The following GDF1 variants were observed in gnomAD, a reference collection of about 807,000 sequenced individuals.
The protein encoded by GDF1 is embryonic growth/differentiation factor 1.
Under a neutral mutation model 7.4 loss-of-function variants are expected in GDF1, and 8 were observed. The ratio of observed to expected loss-of-function variants is 1.09; its 90% confidence interval spans 0.64 to 1.96. The LOEUF is 1.96. Ranked by LOEUF, GDF1 falls within the 30% of genes most tolerant of loss-of-function variation. The probability of loss-of-function intolerance (pLI) is 0.00; values close to 1 mark genes in which losing one functional copy is unlikely to be tolerated. For synonymous variants in GDF1, 311 were observed against 276.7 expected (o/e 1.12, Z -1.23); for missense variants, 574 against 551.5 (o/e 1.04, Z -0.41).
intron 3 of GDF1, 146 bp from the exon 4 acceptor site, chr19:18,880,581 G>T: frequency 1.4e-6 from 1 of 730,506 alleles, no homozygotes; most frequent in Non-Finnish European, 2.1e-6. Context: ...CGCCTGCCCT[G>T]CCCATCTCCA....
intron 2 of GDF1, among the ~76,000 whole-genome samples, chr19:18,891,486 C>T (rs1000606848): frequency 7.9e-5 from 12 of 152,174 alleles, no homozygotes; most frequent in African/African-American, 1.4e-4. Flanking sequence ...TCACACAGAG[C>T]GCGCTGCAGT....
chr19:18,870,217 C>T lies in GDF1; in HGVS notation c.91G>A (p.Val31Met). Residue 31 changes from valine (V) to methionine (M), a missense_variant, in exon 7 of 8, where the codon GTG becomes ATG. By Grantham distance (21) the Val-to-Met change is conservative. Transcript: ENST00000247005. The surrounding 1 kb of genome is among the most constrained non-coding windows in gnomAD (Gnocchi z 5.1). ...LPSLPLTRAPVPPGPAAALLQ... is the reference protein window; with the variant it reads ...LPSLPLTRAPMPPGPAAALLQ... The stretch of plus-strand genomic sequence containing the variant: ...AGGGCGGCGGCTGGGCCTGGGGGCA[C>T]GGGGGCGCGGGTCAGGGGCAGCGAG... 3 of 1,554,084 alleles carry T rather than the reference C, an allele frequency of 1.9e-6. No individual in the cohort carries two copies. Among genetic ancestry groups the T allele is most frequent in the Non-Finnish European group, 2.6e-6 (3 of 1,155,440 alleles).
intron 2 of GDF1, among the ~76,000 whole-genome samples, chr19:18,892,736 G>A (rs976174751): frequency 6.6e-6 from 1 of 151,982 alleles, no homozygotes; most frequent in African/African-American, 2.4e-5. Flanking sequence ...TGCTGTTACC[G>A]ACACCTGGAA....
rs1256785519 is a variant in GDF1, at chr19:18,878,198, G to A, written c.-313+732C>T. On this transcript the variant is annotated intron_variant, in intron 6 of 7. Coordinates refer to ENST00000247005, the MANE Select transcript of GDF1 (RefSeq NM_001492.6). This position sits in a 1 kb window ranked among gnomAD's most constrained non-coding sequence, Gnocchi z 4.6. ...AGGGCCTTCCACAACCTCCTGCCCC[G>A]GCTCCTGCTCAAACACTCCTCACGT... 2.1e-5 allele frequency: 21 copies of A among 985,494 alleles called. No individual in the cohort carries two copies. Among genetic ancestry groups the A allele is most frequent in the East Asian group, 2.3e-4 (2 of 8,806 alleles). 61.0% of individuals were successfully genotyped at this position (985,494 alleles called of 1,614,324 possible). A position where few individuals can be genotyped will look rare whatever the true frequency, so the allele number is the denominator to read the frequency against.
rs573722027 is a variant in GDF1 at position 18,895,465 on chromosome 19, G to A, written c.-1074+359C>T. ...GTGGCCGGAGCCATCCACCGCGCGG[G>A]GCCCCCTGGTCCCAAACTGACCGGA... On this transcript the variant is annotated intron_variant, in intron 1 of 7. Coordinates refer to ENST00000247005, the MANE Select transcript of GDF1 (RefSeq NM_001492.6). This position sits in a 1 kb window ranked among gnomAD's most constrained non-coding sequence, Gnocchi z 6.4. Among the ~76,000 whole-genome samples the A allele has an allele frequency of 2.2e-3, 327 of 151,408 alleles. No homozygotes were observed. Among genetic ancestry groups the A allele is most frequent in the African/African-American group, 7.6e-3 (314 of 41,182 alleles).
intron 6 of GDF1, among the ~76,000 whole-genome samples, chr19:18,875,247 AAAG>A (rs1192387177): frequency 1.2e-3 from 174 of 148,984 alleles, no homozygotes; most frequent in African/African-American, 4.3e-3. Flanking sequence ...AAAAAAAAAA[AAAG>A]AAAGAAAGAA....
At position 18,870,559 on chromosome 19, in the gene GDF1, G is replaced by A. The variant is rs1252202432; in HGVS notation, c.-252C>T. 5.3e-6 allele frequency: 3 copies of A among 564,826 alleles called. No individual in the cohort carries two copies. Among genetic ancestry groups the A allele is most frequent in the Middle Eastern group, 3.9e-4 (1 of 2,582 alleles). The allele number at this position is 564,826 out of a possible 1,614,324, so 35.0% of individuals were successfully genotyped here. The stretch of plus-strand genomic sequence containing the variant: ...TATTCGGGGTGGGGCCGGGTCCACG[G>A]GGGCGGGGCCGAGGGGTTCAGAAGC... On this transcript the variant is annotated 5_prime_UTR_variant, in exon 7 of 8. Coordinates refer to ENST00000247005, the MANE Select transcript of GDF1 (RefSeq NM_001492.6). This position sits in a 1 kb window ranked among gnomAD's most constrained non-coding sequence, Gnocchi z 5.1.
intron 2 of GDF1, among the ~76,000 whole-genome samples, chr19:18,886,583 C>A (rs1422329624): frequency 6.6e-6 from 1 of 151,946 alleles, no homozygotes; most frequent in Non-Finnish European, 1.5e-5. Flanking sequence ...AAACAAACAA[C>A]AAAAAAAGGC....
At chr19:18,892,483 G>A (rs1006391508) in intron 2 of GDF1, among the ~76,000 whole-genome samples, 8 of 151,886 alleles carry the variant, frequency 5.3e-5, no homozygotes, top group Non-Finnish European at 8.8e-5. Flanking sequence ...GCGTGGTGGC[G>A]GGCGCCTGTG....
rs955532939 is a variant in GDF1, at chr19:18,878,071, C to T, written c.-313+859G>A. ...ATCTCGCACCTCCCGTTCCAAAAAA[C>T]GTCACGGAGCTCTGAGCCACTGCTT... On this transcript the variant is annotated intron_variant, in intron 6 of 7. Coordinates refer to ENST00000247005, the MANE Select transcript of GDF1 (RefSeq NM_001492.6). The surrounding 1 kb of genome is among the most constrained non-coding windows in gnomAD (Gnocchi z 4.6). The T allele has an allele frequency of 4.5e-5, 44 of 985,390 alleles. No individual in the cohort carries two copies. The highest frequency in any genetic ancestry group is 7.0e-5 in the African/African-American group (4 of 57,226). The allele number at this position is 985,390 out of a possible 1,614,324, so 61.0% of individuals were successfully genotyped here.
intron 1 of GDF1, 109 bp from the exon 2 acceptor site, chr19:18,893,684 G>C: frequency 4.3e-6 from 5 of 1,159,754 alleles, no homozygotes. Flanking sequence ...GCAGCACTGG[G>C]AAGGCCTGTC....
intron 6 of GDF1, among the ~76,000 whole-genome samples, chr19:18,875,697 A>T (rs957252439): frequency 1.3e-5 from 2 of 152,202 alleles, no homozygotes; most frequent in Non-Finnish European, 2.9e-5. Flanking sequence ...TCATGAGACC[A>T]CAAGCTCAGA....
chr19:18,883,532 CA>C (rs1368507654), intron 3 of GDF1, among the ~76,000 whole-genome samples: 19 of 143,508 alleles, frequency 1.3e-4, no homozygotes, highest in Non-Finnish European at 1.2e-4. Flanking sequence ...GACCTTGTCT[CA>C]AAAAAAAAAG....
Position 18,869,006 on chromosome 19 carries a change from A to C in GDF1, c.710T>G (p.Leu237Arg). 1.8e-6 allele frequency: 2 copies of C among 1,097,374 alleles called. No homozygotes were observed. Among genetic ancestry groups the C allele is most frequent in the South Asian group, 8.3e-5 (2 of 24,080 alleles). The allele number at this position is 1,097,374 out of a possible 1,614,324, so 68.0% of individuals were successfully genotyped here. The change falls in exon 8 of 8, where the codon CTG (leucine) becomes CGG (arginine). Residue 237 changes from leucine to arginine, a missense_variant. Leu to Arg is a moderately radical substitution (Grantham distance 102). Coordinates refer to ENST00000247005, the MANE Select transcript of GDF1 (RefSeq NM_001492.6). ...GCACAGGCGCGGGTCGAGGGTCACC[A>C]GCAGCAGCGAGGCCTCGGCCAGGCG... is the stretch of plus-strand genomic sequence containing the variant. ...CARLAEASLL[L>R]VTLDPRLCHP... is the part of the protein sequence containing the mutation.
In GDF1 at chr19:18,893,519, G is replaced by A. The variant is rs779359438; in HGVS notation, c.-1017C>T. The stretch of plus-strand genomic sequence containing the variant: ...CCAGGTAGAAGAGAAACTTCCAAGC[G>A]CTCTCGGGCATCTTGGCGGCATCTC... On this transcript the variant is annotated 5_prime_UTR_variant, in exon 2 of 8. Transcript: ENST00000247005. 35 of 1,610,568 alleles carry A rather than the reference G, an allele frequency of 2.2e-5. No homozygotes were observed. Among genetic ancestry groups the A allele is most frequent in the East Asian group, 1.3e-4 (6 of 44,810 alleles).
intron 2 of GDF1, among the ~76,000 whole-genome samples, chr19:18,885,611 C>T (rs180700840): frequency 2.7e-5 from 4 of 150,134 alleles, no homozygotes; most frequent in East Asian, 2.0e-4. Flanking sequence ...CCTCCATATC[C>T]GGGGTTCAAG....
chr19:18,893,336 T>A lies in GDF1; in HGVS notation c.-914+80A>T, dbSNP rs1218869452. The A allele has an allele frequency of 2.7e-6, 4 of 1,461,178 alleles. No homozygotes were observed. The African/African-American group carries it at 5.6e-5, about 21-fold the overall frequency. 90.5% of individuals were successfully genotyped at this position (1,461,178 alleles called of 1,614,324 possible). On this transcript the variant is annotated intron_variant, in intron 2 of 7. Transcript: ENST00000247005. ...CTCCAGTGATCCTCCTGCTTCTGCC[T>A]CATGAGTAGCTGGGACCACAAGCCT...
Position 18,884,208 on chromosome 19 carries a change from T to C in GDF1, c.-854A>G, listed in dbSNP as rs2056290804. On this transcript the variant is annotated 5_prime_UTR_variant, in exon 3 of 8. Transcript: ENST00000247005. ...GCGTAGATGGAGTGGCCATAGAAGC[T>C]TCCCTGGAGCAGGTAGGCGGCTGCA... The C allele has an allele frequency of 6.2e-7, 1 of 1,613,320 alleles. No individual in the cohort carries two copies. Among genetic ancestry groups the C allele is most frequent in the South Asian group, 1.1e-5 (1 of 91,040 alleles).
chr19:18,893,310 G>A, intron 2 of GDF1, 106 bp downstream of exon 2: 1 of 1,310,366 alleles, frequency 7.6e-7, no homozygotes. Flanking sequence ...CAACTCCTGG[G>A]CTCCAGTGAT....
Sources: allele counts gnomAD v4.1 joint callset (sites outside exome capture counted in the v4.1 genomes callset), GRCh38; gene constraint gnomAD v4.1.1; non-coding constraint Gnocchi (gnomAD v3.1); transcripts MANE v1.5; gene names NCBI Gene and HGNC (gene_info 2026-07-23, HGNC 2026-07-21).